The following FTCDNL1 variants were observed in gnomAD, a reference collection of about 807,000 sequenced individuals.
FTCDNL1 encodes the protein formiminotransferase N-terminal subdomain-containing protein.
Under a neutral mutation model 5.9 loss-of-function variants are expected in FTCDNL1, and 11 were observed. The ratio of observed to expected loss-of-function variants is 1.87; its 90% CI spans 1.18 to 3.10. FTCDNL1 has a LOEUF of 3.10. Ranked by LOEUF, FTCDNL1 falls within the 30% of genes most tolerant of loss-of-function variation. The probability of loss-of-function intolerance (pLI) is 0.00; values close to 1 mark genes in which losing one functional copy is unlikely to be tolerated. For synonymous variants in FTCDNL1, 58 were observed against 24.8 expected (o/e 2.34, Z -3.99); for missense variants, 115 against 65.5 (o/e 1.76, Z -2.61).
chr2:199,694,402 G>T, the FTCDNL1 span, among the ~76,000 whole-genome samples: 2 of 152,198 alleles, frequency 1.3e-5, no homozygotes, highest in Non-Finnish European at 2.9e-5. Context: ...TGCACAACCA[G>T]GTTTCAAGTG....
At chr2:199,823,810 T>C (rs191971216) in intron 3 of FTCDNL1, among the ~76,000 whole-genome samples, 4 of 152,298 alleles carry the variant, frequency 2.6e-5, no homozygotes, top group African/African-American at 9.6e-5. Flanking sequence ...AGCATTTGAC[T>C]TCAACTTAAG....
At chr2:199,728,486 G>A in the FTCDNL1 span, among the ~76,000 whole-genome samples, 2 of 152,058 alleles carry the variant, frequency 1.3e-5, no homozygotes, top group African/African-American at 2.4e-5. Context: ...CTGACCTCGT[G>A]ATCCGCCCAC....
chr2:199,842,076 T>A (rs1007531548), intron 3 of FTCDNL1, among the ~76,000 whole-genome samples: 9 of 151,242 alleles, frequency 6.0e-5, no homozygotes, highest in Non-Finnish European at 1.3e-4. Flanking sequence ...CTGGCTAACA[T>A]GGCAAAACCC....
the FTCDNL1 span, among the ~76,000 whole-genome samples, chr2:199,685,512 T>C: frequency 2.0e-5 from 3 of 152,206 alleles, no homozygotes; most frequent in Non-Finnish European, 4.4e-5. Flanking sequence ...CCTCCCAGAA[T>C]TGATAGGTAG....
chr2:199,806,640 C>A (rs888454795), downstream of FTCDNL1, among the ~76,000 whole-genome samples: 2 of 152,106 alleles, frequency 1.3e-5, no homozygotes, highest in Admixed American at 1.3e-4. Flanking sequence ...AATATTACCT[C>A]CCTTTTGTTT....
chr2:199,665,865 C>T, the FTCDNL1 span, among the ~76,000 whole-genome samples: 1 of 146,974 alleles, frequency 6.8e-6, no homozygotes, highest in Non-Finnish European at 1.5e-5. Flanking sequence ...GGCCCTGTTA[C>T]CTCATAACTA....
At chr2:199,721,420 T>C in the FTCDNL1 span, among the ~76,000 whole-genome samples, 3 of 152,184 alleles carry the variant, frequency 2.0e-5, no homozygotes, top group Non-Finnish European at 2.9e-5. Context: ...GGCTTCCAGG[T>C]CCATCCATGT....
the FTCDNL1 span, among the ~76,000 whole-genome samples, chr2:199,695,098 A>C: frequency 2.0e-5 from 3 of 152,178 alleles, no homozygotes; most frequent in African/African-American, 7.2e-5. Context: ...TTCCACCCAT[A>C]TTCCATTGGC....
chr2:199,772,093 G>A (rs578004819), intron 3 of FTCDNL1, among the ~76,000 whole-genome samples: 13 of 152,278 alleles, frequency 8.5e-5, no homozygotes, highest in East Asian at 1.9e-4. Flanking sequence ...CAAACACTGC[G>A]ATACTGTGAG....
intron 3 of FTCDNL1, among the ~76,000 whole-genome samples, chr2:199,774,579 C>G (rs971794012): frequency 1.3e-5 from 2 of 152,102 alleles, no homozygotes; most frequent in Non-Finnish European, 2.9e-5. Context: ...GAACATTTAC[C>G]AGCTCAGAGA....
the FTCDNL1 span, among the ~76,000 whole-genome samples, chr2:199,689,204 A>G: frequency 6.6e-6 from 1 of 152,322 alleles, no homozygotes; most frequent in East Asian, 1.9e-4. Context: ...TACTCAGTAA[A>G]TGTTCTCTTA....
the FTCDNL1 span, among the ~76,000 whole-genome samples, chr2:199,746,159 A>G: frequency 2.0e-5 from 3 of 152,214 alleles, no homozygotes; most frequent in African/African-American, 7.2e-5. Flanking sequence ...ATGTTAAAGC[A>G]GGAGAATTTC....
chr2:199,757,873 C>G (rs1173126746), downstream of FTCDNL1, among the ~76,000 whole-genome samples: 1 of 152,142 alleles, frequency 6.6e-6, no homozygotes, highest in Non-Finnish European at 1.5e-5. Context: ...AACTTTTACT[C>G]AGGAGCTTAC....
chr2:199,824,306 A>G (rs1002760914), intron 3 of FTCDNL1, among the ~76,000 whole-genome samples: 1 of 152,192 alleles, frequency 6.6e-6, no homozygotes, highest in Non-Finnish European at 1.5e-5. Context: ...CACCCTTCAC[A>G]GAATAGAGGA....
chr2:199,710,809 T>C, the FTCDNL1 span, among the ~76,000 whole-genome samples: 45 of 152,178 alleles, frequency 3.0e-4, no homozygotes, highest in Admixed American at 7.8e-4. Context: ...TAAGGAAAAT[T>C]CTCAAAAATA....
At chr2:199,835,299 G>C (rs1230359118) in intron 3 of FTCDNL1, among the ~76,000 whole-genome samples, 1 of 152,128 alleles carries the variant, frequency 6.6e-6, no homozygotes, top group Non-Finnish European at 1.5e-5. Flanking sequence ...GAAAAGAAAA[G>C]CACAACAATT....
At chr2:199,704,861 A>AGG in the FTCDNL1 span, among the ~76,000 whole-genome samples, 2 of 152,174 alleles carry the variant, frequency 1.3e-5, no homozygotes, top group African/African-American at 4.8e-5. Context: ...CTATCCACAG[A>AGG]CATAGAGATC....
chr2:199,813,912 CAAAAAAAAAAAAAAAAA>C (rs397987315), intron 4 of FTCDNL1, among the ~76,000 whole-genome samples: 4 of 106,382 alleles, frequency 3.8e-5, no homozygotes, highest in Admixed American at 1.1e-4. Context: ...GACTCTGTCT[CAAAAAAAAAAAAAAAAA>C]AAAAAAAAAA....
chr2:199,842,191 C>A (rs2076608030), intron 3 of FTCDNL1, among the ~76,000 whole-genome samples: 1 of 152,074 alleles, frequency 6.6e-6, no homozygotes, highest in African/African-American at 2.4e-5. Flanking sequence ...TCACTTGAGT[C>A]TGGGAGGCGG....
Sources: allele counts gnomAD v4.1 joint callset (sites outside exome capture counted in the v4.1 genomes callset), GRCh38; gene constraint gnomAD v4.1.1; transcripts MANE v1.5; gene names NCBI Gene and HGNC (gene_info 2026-07-23, HGNC 2026-07-21).